BTBD9: variants seen among roughly 807,000 people sequenced by gnomAD.
BTBD9 encodes the protein BTB/POZ domain-containing protein 9.
In BTBD9, 49 loss-of-function variants were observed where a neutral mutation model predicts 64.3. The observed-to-expected ratio is 0.76, with a 90% CI of 0.61 to 0.97. The LOEUF is 0.97. BTBD9 is among the 50% of genes least tolerant of loss of function. The pLI, the probability that BTBD9 is intolerant of heterozygous loss-of-function variation, is 0.00. For synonymous variants in BTBD9, 260 were observed against 274.7 expected (o/e 0.95, Z 0.53); for missense variants, 598 against 762.1 (o/e 0.78, Z 2.53).
chr6:38,205,540 G>A (rs912922007), intron 9 of BTBD9, among the ~76,000 whole-genome samples: 8 of 151,886 alleles, frequency 5.3e-5, no homozygotes, highest in African/African-American at 1.9e-4. Context: ...GTATTTATGC[G>A]AAGAAAAATA....
At chr6:38,425,571 G>A (rs1768107167) in intron 6 of BTBD9, among the ~76,000 whole-genome samples, 1 of 151,786 alleles carries the variant, frequency 6.6e-6, no homozygotes, top group East Asian at 1.9e-4. Context: ...GAGAATAGGA[G>A]AGGGAGTTCT....
intron 6 of BTBD9, among the ~76,000 whole-genome samples, chr6:38,501,318 C>T (rs1397435311): frequency 4.6e-5 from 7 of 152,140 alleles, no homozygotes; most frequent in African/African-American, 9.7e-5. Flanking sequence ...TTCAGGTTTT[C>T]GGATTAGGAA....
intron 1 of BTBD9, among the ~76,000 whole-genome samples, chr6:38,618,811 G>GA (rs1181353602): frequency 6.6e-6 from 1 of 152,288 alleles, no homozygotes; most frequent in Non-Finnish European, 1.5e-5. Context: ...GGCCTTTAAT[G>GA]AAAAGAATGT....
intron 6 of BTBD9, among the ~76,000 whole-genome samples, chr6:38,507,619 TTC>T (rs1270713419): frequency 1.3e-5 from 2 of 152,208 alleles, no homozygotes; most frequent in Non-Finnish European, 2.9e-5. Flanking sequence ...TCTCAAAAAG[TTC>T]TCTTGCCTTA....
chr6:38,238,055 G>T (rs1281104245), intron 9 of BTBD9, among the ~76,000 whole-genome samples: 1 of 152,214 alleles, frequency 6.6e-6, no homozygotes, highest in Non-Finnish European at 1.5e-5. Flanking sequence ...GGAAGCAGGA[G>T]GATTGCCGGA....
intron 6 of BTBD9, among the ~76,000 whole-genome samples, chr6:38,570,646 T>C (rs1208118298): frequency 6.6e-6 from 1 of 152,168 alleles, no homozygotes; most frequent in Non-Finnish European, 1.5e-5. Context: ...CTCCTCTCTT[T>C]CAAAATTCCA....
intron 6 of BTBD9, among the ~76,000 whole-genome samples, chr6:38,390,673 G>A (rs913626063): frequency 6.6e-6 from 1 of 152,132 alleles, no homozygotes. Flanking sequence ...TAAGGAACAT[G>A]CACAGTATCA....
intron 1 of BTBD9, among the ~76,000 whole-genome samples, chr6:38,632,191 A>G (rs1172341641): frequency 6.6e-6 from 1 of 152,254 alleles, no homozygotes; most frequent in African/African-American, 2.4e-5. Flanking sequence ...ACAGCAATAG[A>G]TAACATAGAA....
rs201357884 is a variant in BTBD9 at position 38,328,564 on chromosome 6, C to CGTGTGTGTGTGTGTGTGT, written c.1264+16402_1264+16419dup. ...AATATATTTCGGCCATTTAAGCCAC[C>CGTGTGTGTGTGTGTGTGT]GTGTGTGTGTGTGTGTGTGTGTGTG... On this transcript the variant is annotated intron_variant, in intron 7 of 10. Coordinates refer to ENST00000481247, the MANE Select transcript of BTBD9 (RefSeq NM_001099272.2). Among the ~76,000 whole-genome samples the CGTGTGTGTGTGTGTGTGT allele has an allele frequency of 8.2e-3, 1,073 of 130,444 alleles. 20 individuals are homozygous for CGTGTGTGTGTGTGTGTGT. Among genetic ancestry groups the CGTGTGTGTGTGTGTGTGT allele is most frequent in the East Asian group, 0.036 (138 of 3,794 alleles). The allele number at this position is 130,444 out of a possible 152,430, so 85.6% of individuals were successfully genotyped here.
chr6:38,603,701 A>G (rs1254700118), intron 1 of BTBD9, among the ~76,000 whole-genome samples: 1 of 152,236 alleles, frequency 6.6e-6, no homozygotes, highest in Non-Finnish European at 1.5e-5. Flanking sequence ...TGAACACTGT[A>G]TGAATCTCCC....
chr6:38,523,026 T>C (rs933141199), intron 6 of BTBD9, among the ~76,000 whole-genome samples: 26 of 151,920 alleles, frequency 1.7e-4, no homozygotes, highest in African/African-American at 6.3e-4. Flanking sequence ...CTACTAAAAA[T>C]ACAAAAATTA....
chr6:38,210,447 G>T (rs926061965), intron 9 of BTBD9, among the ~76,000 whole-genome samples: 1 of 152,064 alleles, frequency 6.6e-6, no homozygotes, highest in Non-Finnish European at 1.5e-5. Flanking sequence ...CAATGATTTT[G>T]AGTATCATGC....
chr6:38,593,153 T>A (rs1011912557), intron 3 of BTBD9, among the ~76,000 whole-genome samples: 2 of 152,198 alleles, frequency 1.3e-5, no homozygotes, highest in East Asian at 1.9e-4. Context: ...GTCAATACAT[T>A]CAGATTCTTC....
intron 6 of BTBD9, among the ~76,000 whole-genome samples, chr6:38,502,439 C>T (rs1772254375): frequency 6.6e-6 from 1 of 152,170 alleles, no homozygotes; most frequent in African/African-American, 2.4e-5. Flanking sequence ...GAAAAGCTTT[C>T]TCTTCCATGT....
intron 6 of BTBD9, among the ~76,000 whole-genome samples, chr6:38,533,076 C>A: frequency 6.6e-6 from 1 of 151,684 alleles, no homozygotes; most frequent in East Asian, 1.9e-4. Context: ...GGACTAAACT[C>A]TCTAATCAAA....
At chr6:38,310,311 C>A (rs988026379) in intron 7 of BTBD9, among the ~76,000 whole-genome samples, 1 of 151,998 alleles carries the variant, frequency 6.6e-6, no homozygotes, top group Non-Finnish European at 1.5e-5. Context: ...GTGTGAAGGA[C>A]GCCTCCTGAG....
intron 6 of BTBD9, among the ~76,000 whole-genome samples, chr6:38,493,546 T>C (rs968975098): frequency 6.6e-6 from 1 of 152,236 alleles, no homozygotes; most frequent in Non-Finnish European, 1.5e-5. Context: ...AGTAATTTAG[T>C]GATTTCAATC....
At chr6:38,549,583 A>AG (rs774533621) in intron 6 of BTBD9, among the ~76,000 whole-genome samples, 7 of 152,024 alleles carry the variant, frequency 4.6e-5, no homozygotes, top group Non-Finnish European at 5.9e-5. Context: ...CTGTCAGGAG[A>AG]GGGAAAAAAA....
intron 9 of BTBD9, among the ~76,000 whole-genome samples, chr6:38,213,065 A>G (rs1183146595): frequency 6.6e-6 from 1 of 152,044 alleles, no homozygotes; most frequent in Non-Finnish European, 1.5e-5. Flanking sequence ...TTAATGTCAA[A>G]AGCCCATGCA....
Sources: allele counts gnomAD v4.1 joint callset (sites outside exome capture counted in the v4.1 genomes callset), GRCh38; gene constraint gnomAD v4.1.1; transcripts MANE v1.5; gene names NCBI Gene and HGNC (gene_info 2026-07-23, HGNC 2026-07-21).